The following MS4A12 variants were observed in gnomAD, a reference collection of about 807,000 sequenced individuals.
MS4A12 encodes membrane spanning 4-domains A12.
A neutral mutation model predicts 23.7 loss-of-function variants in MS4A12; 28 were observed. That is an observed-to-expected ratio of 1.18 (90% CI 0.88 to 1.62). MS4A12 has a LOEUF of 1.62. Among genes scored for constraint, MS4A12 ranks in the 40% most tolerant of loss-of-function variants. The pLI, the probability that MS4A12 is intolerant of heterozygous loss-of-function variation, is 0.00. For synonymous variants in MS4A12, 108 were observed against 110.1 expected, an observed-to-expected ratio of 0.98 and a Z score of 0.12; for missense variants, 342 against 327.0, an observed-to-expected ratio of 1.05 and a Z score of -0.35.
intron 5 of MS4A12, among the ~76,000 whole-genome samples, chr11:60,505,216 C>A: frequency 6.6e-6 from 1 of 151,202 alleles, no homozygotes; most frequent in East Asian, 1.9e-4. Flanking sequence ...TGGGGGCAGG[C>A]AAAAAAAATA....
At chr11:60,505,242 A>G (rs941137997) in intron 5 of MS4A12, among the ~76,000 whole-genome samples, 1 of 152,140 alleles carries the variant, frequency 6.6e-6, no homozygotes, top group Non-Finnish European at 1.5e-5. Flanking sequence ...TGTGCAGGGC[A>G]ACTCCTGTTT....
At chr11:60,506,643 C>T (rs992822696) in intron 5 of MS4A12, 85 bp from the exon 6 acceptor site, 5 of 920,580 alleles carry the variant, frequency 5.4e-6, no homozygotes, top group Non-Finnish European at 8.6e-6. Context: ...TAAGCAATAG[C>T]ACATTTGATG....
At chr11:60,506,615 C>T (rs2086571359) in intron 5 of MS4A12, 113 bp from the exon 6 acceptor site, 1 of 695,866 alleles carries the variant, frequency 1.4e-6, no homozygotes. Context: ...GAAGAATAAG[C>T]ATGGAGCGAG....
At chr11:60,494,103 T>C (rs916085847) in intron 1 of MS4A12, among the ~76,000 whole-genome samples, 1 of 152,224 alleles carries the variant, frequency 6.6e-6, no homozygotes, top group Non-Finnish European at 1.5e-5. Flanking sequence ...TCATGTATCA[T>C]TTACAGAATT....
Position 60,507,012 on chromosome 11 carries a change from C to A in MS4A12, c.700-8C>A. ...ACCATATTGCTTGTTTTTATTCATT[C>A]TTTCCAGTCTGTCCTGGTTATTCCA... On this transcript the variant is annotated splice_polypyrimidine_tract_variant and splice_region_variant and intron_variant, in intron 6 of 6. Transcript: ENST00000016913. 1 of 1,606,062 alleles carries A rather than the reference C, an allele frequency of 6.2e-7. No individual in the cohort carries two copies.
rs758007560 is a variant in MS4A12 at position 60,501,167 on chromosome 11, C to T, written c.399C>T (p.Phe133=). Residue 133 remains phenylalanine, a synonymous_variant, in exon 3 of 7, where the codon TTC becomes TTT. Transcript: ENST00000016913. ...CTGCTGTTATTGGTGGATACCCATTCTGGGGTGGCCTTTCTGTGAGTAGAT... is the reference window on the plus strand; with the variant it reads ...CTGCTGTTATTGGTGGATACCCATTTTGGGGTGGCCTTTCTGTGAGTAGAT... ...ASTAVIGGYP[F]WGGLSFIISG... 6 of 1,607,640 alleles carry T rather than the reference C, an allele frequency of 3.7e-6. No individual in the cohort carries two copies. In the East Asian group the frequency reaches 1.1e-4, roughly 30 times the overall value.
chr11:60,504,714 A>G (rs2086557940), intron 5 of MS4A12, among the ~76,000 whole-genome samples: 1 of 152,180 alleles, frequency 6.6e-6, no homozygotes, highest in Non-Finnish European at 1.5e-5. Flanking sequence ...CATTTCCTTT[A>G]TCAGTTCACT....
intron 1 of MS4A12, among the ~76,000 whole-genome samples, chr11:60,493,538 T>C (rs1476291600): frequency 6.6e-6 from 1 of 152,214 alleles, no homozygotes; most frequent in Non-Finnish European, 1.5e-5. Context: ...GAAGTAATAC[T>C]GGAGCCCTTG....
At chr11:60,505,156 C>T (rs186776114) in intron 5 of MS4A12, among the ~76,000 whole-genome samples, 45 of 152,240 alleles carry the variant, frequency 3.0e-4, no homozygotes, top group Middle Eastern at 3.4e-3. Context: ...CTGGGGAGGC[C>T]TCACAATCAT....
intron 2 of MS4A12, 104 bp downstream of exon 2, chr11:60,497,698 T>C (rs1190209001): frequency 8.2e-7 from 1 of 1,216,942 alleles, no homozygotes; most frequent in Non-Finnish European, 1.2e-6. Flanking sequence ...AACGTTATTC[T>C]GAAATTATCT....
At chr11:60,506,672 G>T in intron 5 of MS4A12, 56 bp from the exon 6 acceptor site, 1 of 1,381,620 alleles carries the variant, frequency 7.2e-7, no homozygotes, top group Non-Finnish European at 1.0e-6. Context: ...ACTTTTTGAA[G>T]CCCACGTGAG....
intron 5 of MS4A12, among the ~76,000 whole-genome samples, chr11:60,505,970 G>T (rs1268468129): frequency 6.6e-6 from 1 of 152,130 alleles, no homozygotes; most frequent in Non-Finnish European, 1.5e-5. Context: ...GTCCATCCTC[G>T]CTAGCAAGAA....
chr11:60,499,658 TGG>T (rs755503263), intron 2 of MS4A12, among the ~76,000 whole-genome samples: 8 of 152,332 alleles, frequency 5.3e-5, no homozygotes, highest in Non-Finnish European at 1.2e-4. Flanking sequence ...TTTATGAAAC[TGG>T]GTTTTTTTCT....
At chr11:60,496,422 C>T (rs76372755) in intron 1 of MS4A12, among the ~76,000 whole-genome samples, 2,153 of 152,202 alleles carry the variant, frequency 0.014, 50 homozygotes, top group African/African-American at 0.049. Context: ...TGGCTTATTT[C>T]CAACAAAATT....
chr11:60,506,770 CT>C lies in MS4A12; in HGVS notation c.632del (p.Leu211ProfsTer6). On this transcript the variant is annotated frameshift_variant, in exon 6 of 7. Coordinates refer to ENST00000016913, the MANE Select transcript of MS4A12 (RefSeq NM_017716.3). LOFTEE classifies it high-confidence loss of function. ...GISATLMIFSLLEFFVACATA... is the reference protein window; with the variant it reads ...GISATLMIFSXLEFFVACATA... ...TTCAGCCACGCTGATGATCTTCTCC[CT>C]CTTGGAGTTCTTCGTAGCTTGTGCC... The C allele has an allele frequency of 6.2e-7, 1 of 1,614,172 alleles. No homozygotes were observed. The highest frequency in any genetic ancestry group is 2.2e-5 in the East Asian group (1 of 44,886).
intron 1 of MS4A12, among the ~76,000 whole-genome samples, chr11:60,497,087 C>T (rs2086492652): frequency 6.6e-6 from 1 of 152,278 alleles, no homozygotes; most frequent in Admixed American, 6.5e-5. Context: ...TGCTGCTTAC[C>T]TCATGTAGTG....
chr11:60,500,940 A>T, intron 2 of MS4A12, 105 bp from the exon 3 acceptor site: 1 of 1,329,348 alleles, frequency 7.5e-7, no homozygotes, highest in Non-Finnish European at 1.0e-6. Context: ...ACAACGATGG[A>T]TCTCAGCAAA....
chr11:60,497,451 G>A lies in MS4A12; in HGVS notation c.133G>A (p.Gly45Ser), dbSNP rs1377836379. ...AATCAACTTAGAAAACCAAGCTCAGGGTGCTCAGCGTGCTCAGCCCTACGG... is the reference window on the plus strand; with the variant it reads ...AATCAACTTAGAAAACCAAGCTCAGAGTGCTCAGCGTGCTCAGCCCTACGG... ...GSINLENQAQ[G>S]AQRAQPYGIT... is the part of the protein sequence containing the mutation. The change falls in exon 2 of 7, where the codon GGT (glycine) becomes AGT (serine). Residue 45 changes from glycine to serine, a missense_variant. Gly to Ser is a moderately conservative substitution (Grantham distance 56). Coordinates refer to ENST00000016913, the MANE Select transcript of MS4A12 (RefSeq NM_017716.3). 1.2e-6 allele frequency: 2 copies of A among 1,614,040 alleles called. No individual in the cohort carries two copies. Among genetic ancestry groups the A allele is most frequent in the South Asian group, 1.1e-5 (1 of 91,086 alleles).
At chr11:60,499,283 T>C (rs1425567596) in intron 2 of MS4A12, among the ~76,000 whole-genome samples, 1 of 152,146 alleles carries the variant, frequency 6.6e-6, no homozygotes, top group Non-Finnish European at 1.5e-5. Flanking sequence ...AAATTGTATG[T>C]CCAAATTTTT....
Sources: gnomAD v4.1 joint callset for allele counts (sites outside exome capture counted in the v4.1 genomes callset) on GRCh38, gnomAD v4.1.1 for gene constraint, MANE v1.5 for transcripts, NCBI Gene and HGNC (gene_info 2026-07-23, HGNC 2026-07-21) for gene names.